The following ATG16L1 variants were observed in gnomAD, a reference collection of about 807,000 sequenced individuals.
ATG16L1 encodes the protein autophagy-related protein 16-1.
ATG16L1 carries 37 observed loss-of-function variants against 88.5 expected under a neutral mutation model. The observed-to-expected ratio is 0.42, with a 90% CI of 0.32 to 0.55. The LOEUF (loss-of-function observed/expected upper bound fraction) is 0.55. ATG16L1 is among the 20% of genes least tolerant of loss of function. The probability of loss-of-function intolerance (pLI) is 0.13; values close to 1 mark genes in which losing one functional copy is unlikely to be tolerated. For missense variants in ATG16L1, 554 were observed against 752.8 expected (o/e 0.74, Z 3.09); for synonymous variants, 301 against 281.0 (o/e 1.07, Z -0.71).
chr2:233,277,612 T>A lies in ATG16L1; in HGVS notation c.999T>A (p.Gly333=). 2 of 1,614,114 alleles carry A rather than the reference T, an allele frequency of 1.2e-6. No homozygotes were observed. Among genetic ancestry groups the A allele is most frequent in the Non-Finnish European group, 8.5e-7 (1 of 1,179,964 alleles). ...GEVNAVQFSP[G]SRLLATGGMD... ...TCAACGCTGTGCAGTTCAGTCCAGG[T>A]TCCCGGTTACTGGCCACTGGAGGCA... The change falls in exon 10 of 18, where the codon GGT becomes GGA. Residue 333 remains glycine, a synonymous_variant. Transcript: ENST00000392017.
intron 4 of ATG16L1, among the ~76,000 whole-genome samples, chr2:233,264,624 C>G (rs35812841): frequency 0.61 from 93,436 of 151,966 alleles, 28,971 homozygotes; most frequent in Non-Finnish European, 0.66. Flanking sequence ...GAAATATATA[C>G]GGTTTCCAGC....
At chr2:233,263,276 T>A in intron 3 of ATG16L1, 41 bp downstream of exon 3, 3 of 1,571,116 alleles carry the variant, frequency 1.9e-6, no homozygotes, top group Non-Finnish European at 2.6e-6. Flanking sequence ...CTGCCCTCTA[T>A]GAGAGTCCTG....
chr2:233,283,906 G>A (rs565978784), intron 12 of ATG16L1, among the ~76,000 whole-genome samples: 10 of 151,022 alleles, frequency 6.6e-5, no homozygotes, highest in East Asian at 3.9e-4. Context: ...GTGCAATGGC[G>A]CAATCTTGGC....
At chr2:233,265,217 T>G (rs1320481207) in intron 5 of ATG16L1, 74 bp downstream of exon 5, 2 of 1,552,616 alleles carry the variant, frequency 1.3e-6, no homozygotes, top group Non-Finnish European at 1.7e-6. Flanking sequence ...AAGAAAGAGA[T>G]AAACCTGGCA....
In ATG16L1 at chr2:233,281,122, G is replaced by C; in HGVS notation, c.1078G>C (p.Gly360Arg). 6.2e-7 allele frequency: 1 copy of C among 1,603,146 alleles called. No individual in the cohort carries two copies. Among genetic ancestry groups the C allele is most frequent in the Non-Finnish European group, 8.5e-7 (1 of 1,176,758 alleles). ...EVFGEKCEFK[G>R]SLSGSNAGIT... ...TTATACAGAAAAATGTGAGTTCAAG[G>C]GTTCCCTATCTGGCAGTAATGCAGG... is the stretch of plus-strand genomic sequence containing the variant. Residue 360 changes from glycine to arginine, a missense_variant, in exon 11 of 18, where the codon GGT (glycine) becomes CGT (arginine). Transcript: ENST00000392017.
rs747344224 is a variant in ATG16L1, at chr2:233,270,005, GCGGCAAGCC to G, written c.650_658del (p.Gln217_Arg219del). 3.8e-6 allele frequency: 6 copies of G among 1,573,900 alleles called. No homozygotes were observed. The Admixed American group carries it at 9.7e-5, about 26-fold the overall frequency. On this transcript the variant is annotated inframe_deletion, in exon 6 of 18. Transcript: ENST00000392017. ...TTTTTTTTTTTTTTCCCAACAGGAGGCGGCAAGCCCGGCTGCAGAAAGAGCTTGCAGAAG... is the reference window on the plus strand; with the variant it reads ...TTTTTTTTTTTTTTCCCAACAGGAGGCGGCTGCAGAAAGAGCTTGCAGAAG...
At position 233,274,753 on chromosome 2, in the gene ATG16L1, T is replaced by G; in HGVS notation, c.929T>G (p.Val310Gly). 1 of 1,612,376 alleles carries G rather than the reference T, an allele frequency of 6.2e-7. No homozygotes were observed. Among genetic ancestry groups the G allele is most frequent in the Non-Finnish European group, 8.5e-7 (1 of 1,178,514 alleles). ...THPGSGKEVRVPATALCVFDA... is the reference protein window; with the variant it reads ...THPGSGKEVRGPATALCVFDA... Reference sequence around the variant, plus strand: ...CCTGGTTCTGGTAAAGAAGTGAGGGTACCAGCTACTGCCTTGTGTGTCTTC... The same window carrying G: ...CCTGGTTCTGGTAAAGAAGTGAGGGGACCAGCTACTGCCTTGTGTGTCTTC... The change falls in exon 9 of 18, where the codon GTA becomes GGA. Residue 310 changes from valine to glycine, a missense_variant. Physicochemically the swap from Val to Gly is moderately radical, Grantham distance 109. This residue lies in a region of ATG16L1 where 370 missense variants were observed against 509.7 expected (regional missense o/e 0.73). Coordinates refer to ENST00000392017, the MANE Select transcript of ATG16L1 (RefSeq NM_030803.7).
intron 2 of ATG16L1, among the ~76,000 whole-genome samples, chr2:233,257,276 G>A (rs939894315): frequency 2.6e-5 from 4 of 151,808 alleles, no homozygotes; most frequent in African/African-American, 9.7e-5. Context: ...TGATCCGCCC[G>A]CCTCGGCCTC....
intron 2 of ATG16L1, among the ~76,000 whole-genome samples, chr2:233,259,218 T>C (rs559763797): frequency 6.6e-6 from 1 of 152,132 alleles, no homozygotes; most frequent in South Asian, 2.1e-4. Context: ...GAAGAGGTGA[T>C]TGGTGGGTAG....
chr2:233,282,632 A>G (rs778668000), intron 11 of ATG16L1, 50 bp from the exon 12 acceptor site: 3 of 1,496,354 alleles, frequency 2.0e-6, no homozygotes, highest in Non-Finnish European at 2.8e-6. Context: ...TGTGAACTGA[A>G]TTCCTCTGAT....
rs189873393 is a variant in ATG16L1 at position 233,286,664 on chromosome 2, C to G, written c.1204-3190C>G. 9.5e-4 allele frequency among the ~76,000 whole-genome samples: 127 copies of G among 133,700 alleles called. 1 individual carries two copies. The highest frequency in any genetic ancestry group is 4.3e-3 in the Middle Eastern group (1 of 230). The allele number at this position is 133,700 out of a possible 152,430, so 87.7% of individuals were successfully genotyped here. A position where few individuals can be genotyped will look rare whatever the true frequency, so the allele number is the denominator to read the frequency against. ...TTTTTGAGACAGTGTCTCGCTCAGT[C>G]ACCCAGGCTGGAGTGCAGTGGCGTG... On this transcript the variant is annotated intron_variant, in intron 12 of 17. Coordinates refer to ENST00000392017, the MANE Select transcript of ATG16L1 (RefSeq NM_030803.7).
chr2:233,282,896 G>T, intron 12 of ATG16L1, 143 bp downstream of exon 12: 1 of 672,370 alleles, frequency 1.5e-6, no homozygotes. Flanking sequence ...TCCTCCTTGG[G>T]GAAATCTGTG....
In ATG16L1 at chr2:233,292,560, GT is replaced by G. The variant is rs1389420236; in HGVS notation, c.1628+127del. ...AACCTATGTTTCCAGGAGTGTGCCTGTAAGTTCATAATTGCAGGCCACCATT... is the reference window on the plus strand; with the variant it reads ...AACCTATGTTTCCAGGAGTGTGCCTGAAGTTCATAATTGCAGGCCACCATT... On this transcript the variant is annotated intron_variant, in intron 16 of 17. Coordinates refer to ENST00000392017, the MANE Select transcript of ATG16L1 (RefSeq NM_030803.7). 2.6e-5 allele frequency: 31 copies of G among 1,178,086 alleles called. No homozygotes were observed. The African/African-American group carries it at 4.6e-4, about 17-fold the overall frequency. The allele number at this position is 1,178,086 out of a possible 1,614,324, so 73.0% of individuals were successfully genotyped here. A position where few individuals can be genotyped will look rare whatever the true frequency, so the allele number is the denominator to read the frequency against.
chr2:233,268,872 C>A (rs539996681), intron 5 of ATG16L1, among the ~76,000 whole-genome samples: 1 of 152,310 alleles, frequency 6.6e-6, no homozygotes, highest in South Asian at 2.1e-4. Flanking sequence ...TTGAGAATTA[C>A]CACCGTGGTA....
rs1459214064 is a variant in ATG16L1 at position 233,285,133 on chromosome 2, G to T, written c.1203+2380G>T. Among the ~76,000 whole-genome samples the T allele has an allele frequency of 3.9e-5, 6 of 152,218 alleles. No homozygotes were observed. The East Asian group carries it at 1.2e-3, about 29-fold the overall frequency. On this transcript the variant is annotated intron_variant, in intron 12 of 17. Transcript: ENST00000392017. ...TCTGTACTGTACACATGGAAAAGATGGCCTAGCCGGTACTCATGGCTACGT... is the reference window on the plus strand; with the variant it reads ...TCTGTACTGTACACATGGAAAAGATTGCCTAGCCGGTACTCATGGCTACGT...
chr2:233,288,286 T>C (rs909088045), intron 12 of ATG16L1, among the ~76,000 whole-genome samples: 1 of 152,144 alleles, frequency 6.6e-6, no homozygotes, highest in African/African-American at 2.4e-5. Context: ...ACAAAAAAAA[T>C]CTAACCCTGA....
At chr2:233,263,878 T>G in intron 3 of ATG16L1, 114 bp from the exon 4 acceptor site, 1 of 1,002,214 alleles carries the variant, frequency 1.0e-6, no homozygotes, top group Non-Finnish European at 1.5e-6. Flanking sequence ...CTCGGCTCCT[T>G]GCTGTCACCC....
intron 8 of ATG16L1, 151 bp from the exon 9 acceptor site, chr2:233,274,525 A>C: frequency 1.8e-6 from 1 of 557,388 alleles, no homozygotes; most frequent in Non-Finnish European, 3.1e-6. Context: ...TTTTTTTGTG[A>C]ATTGTTCTGT....
intron 11 of ATG16L1, among the ~76,000 whole-genome samples, chr2:233,281,772 G>A (rs374860178): frequency 5.9e-5 from 9 of 152,198 alleles, no homozygotes; most frequent in African/African-American, 1.2e-4. Context: ...CCAAGGTAGC[G>A]TCCTCATCTA....
Sources: allele counts gnomAD v4.1 joint callset (sites outside exome capture counted in the v4.1 genomes callset), GRCh38; gene constraint gnomAD v4.1.1; regional missense constraint gnomAD v4.1.1; transcripts MANE v1.5; gene names NCBI Gene and HGNC (gene_info 2026-07-23, HGNC 2026-07-21).